USP15: variants seen among roughly 807,000 people sequenced by gnomAD.
USP15 encodes ubiquitin carboxyl-terminal hydrolase 15.
A neutral mutation model predicts 127.1 loss-of-function variants in USP15; 18 were observed. The observed-to-expected ratio is 0.14, with a 90% CI of 0.10 to 0.21. The LOEUF (loss-of-function observed/expected upper bound fraction) is 0.21, where lower values mean the gene tolerates loss of function less well. USP15 is among the 10% of genes least tolerant of loss of function. The probability of loss-of-function intolerance (pLI) is 1.00; values close to 1 mark genes in which losing one functional copy is unlikely to be tolerated. For synonymous variants in USP15, 364 were observed against 393.7 expected (o/e 0.92, Z 0.89); for missense variants, 805 against 1,159.9 (o/e 0.69, Z 4.44).
At chr12:62,369,954 T>A (rs2066607355) in intron 8 of USP15, among the ~76,000 whole-genome samples, 1 of 152,098 alleles carries the variant, frequency 6.6e-6, no homozygotes, top group African/African-American at 2.4e-5. Flanking sequence ...TGTTCCCTTG[T>A]TTACTCTTTG....
At chr12:62,343,450 C>G (rs1565872030) in intron 6 of USP15, among the ~76,000 whole-genome samples, 1 of 152,210 alleles carries the variant, frequency 6.6e-6, no homozygotes, top group Non-Finnish European at 1.5e-5. Context: ...CCAGGCACCA[C>G]TGTAGTTACG....
chr12:62,298,165 A>C (rs2064192378), intron 2 of USP15, among the ~76,000 whole-genome samples: 1 of 152,182 alleles, frequency 6.6e-6, no homozygotes, highest in Non-Finnish European at 1.5e-5. Flanking sequence ...CATCAAATGA[A>C]CCAATTTGTG....
chr12:62,394,804 G>A (rs867353206), intron 19 of USP15, among the ~76,000 whole-genome samples: 45 of 151,182 alleles, frequency 3.0e-4, no homozygotes, highest in African/African-American at 1.0e-3. Context: ...AGCTGAGATC[G>A]CGCCACTGCA....
chr12:62,298,643 G>A (rs1350707575), intron 2 of USP15, among the ~76,000 whole-genome samples: 1 of 151,736 alleles, frequency 6.6e-6, no homozygotes, highest in Non-Finnish European at 1.5e-5. Flanking sequence ...CTAGCCTGGC[G>A]ACAGAGCAAG....
At chr12:62,367,078 G>A (rs1160912302) in intron 8 of USP15, among the ~76,000 whole-genome samples, 1 of 152,270 alleles carries the variant, frequency 6.6e-6, no homozygotes, top group East Asian at 1.9e-4. Context: ...ATGAGTTAGG[G>A]TGGAGTCCCT....
chr12:62,335,413 C>T, intron 6 of USP15: 1 of 1,384,904 alleles, frequency 7.2e-7, no homozygotes, highest in Non-Finnish European at 9.3e-7. Flanking sequence ...AATTGTTGTA[C>T]TTTACCTGTC....
intron 3 of USP15, among the ~76,000 whole-genome samples, chr12:62,309,832 T>C (rs1343393850): frequency 1.3e-5 from 2 of 151,678 alleles, no homozygotes; most frequent in African/African-American, 4.8e-5. Flanking sequence ...AACATCCATG[T>C]ATGATCTTAA....
chr12:62,365,836 CA>C (rs2066459448), intron 8 of USP15, among the ~76,000 whole-genome samples: 1 of 152,138 alleles, frequency 6.6e-6, no homozygotes, highest in Non-Finnish European at 1.5e-5. Context: ...TTGTTTGTGT[CA>C]GGTTTGTCAA....
rs969625061 is a variant in USP15, at chr12:62,414,155, A to T, written c.*9780A>T. Reference sequence around the variant, plus strand: ...CGTAACAGATACAATAATAATGAAGACATTTGAAATGTGAGAAGTACCAAG... The same window carrying T: ...CGTAACAGATACAATAATAATGAAGTCATTTGAAATGTGAGAAGTACCAAG... On this transcript the variant is annotated 3_prime_UTR_variant, in exon 22 of 22. Coordinates refer to ENST00000280377, the MANE Select transcript of USP15 (RefSeq NM_001252078.2). The T allele has an allele frequency of 2.6e-5, 4 of 152,204 alleles. No individual in the cohort carries two copies. The highest frequency in any genetic ancestry group is 6.5e-5 in the Admixed American group (1 of 15,288). 9.4% of individuals were successfully genotyped at this position (152,204 alleles called of 1,614,324 possible).
chr12:62,277,093 TAAAC>T (rs2063514875), intron 1 of USP15, among the ~76,000 whole-genome samples: 1 of 152,178 alleles, frequency 6.6e-6, no homozygotes, highest in Non-Finnish European at 1.5e-5. Flanking sequence ...ACTTCTGTGT[TAAAC>T]AAAAGACGTT....
chr12:62,344,554 C>T (rs1294083668), intron 6 of USP15, among the ~76,000 whole-genome samples: 1 of 152,210 alleles, frequency 6.6e-6, no homozygotes, highest in African/African-American at 2.4e-5. Flanking sequence ...ATTCTGGGGT[C>T]TGGAGGACAG....
chr12:62,271,037 A>G (rs2063335324), intron 1 of USP15, among the ~76,000 whole-genome samples: 1 of 151,922 alleles, frequency 6.6e-6, no homozygotes, highest in African/African-American at 2.4e-5. Context: ...TCCTAATCTC[A>G]TGCCCCAAAA....
At position 62,411,081 on chromosome 12, in the gene USP15, A is replaced by G. The variant is rs951074716; in HGVS notation, c.*6706A>G. 2.6e-5 allele frequency: 4 copies of G among 152,172 alleles called. No homozygotes were observed. Among genetic ancestry groups the G allele is most frequent in the African/African-American group, 9.7e-5 (4 of 41,442 alleles). The allele number at this position is 152,172 out of a possible 1,614,324, so 9.4% of individuals were successfully genotyped here. A position where few individuals can be genotyped will look rare whatever the true frequency, so the allele number is the denominator to read the frequency against. On this transcript the variant is annotated 3_prime_UTR_variant, in exon 22 of 22. Coordinates refer to ENST00000280377, the MANE Select transcript of USP15 (RefSeq NM_001252078.2). The stretch of plus-strand genomic sequence containing the variant: ...ACCCACAAAAACTGTGAGATAACAG[A>G]TGTTTGTGTTTTTAGCTGCTAAGCT...
At chr12:62,266,845 T>A (rs2137034769) in intron 1 of USP15, among the ~76,000 whole-genome samples, 1 of 152,292 alleles carries the variant, frequency 6.6e-6, no homozygotes, top group Admixed American at 6.5e-5. Flanking sequence ...CAGCCACTAT[T>A]TTAAATGCTT....
intron 2 of USP15, among the ~76,000 whole-genome samples, chr12:62,300,681 C>A (rs1036114115): frequency 6.6e-6 from 1 of 152,082 alleles, no homozygotes; most frequent in Non-Finnish European, 1.5e-5. Flanking sequence ...TAAACAAATG[C>A]GCCTTGAGTA....
intron 17 of USP15, 151 bp downstream of exon 17, chr12:62,392,037 CTT>C (rs1263427887): frequency 3.4e-6 from 3 of 883,154 alleles, no homozygotes; most frequent in Non-Finnish European, 5.0e-6. Flanking sequence ...AAAAAAAAGT[CTT>C]TGCAAAAATA....
In USP15 at chr12:62,303,333, A is replaced by C. The variant is rs141182570; in HGVS notation, c.348+413A>C. Reference sequence around the variant, plus strand: ...GAAGCAATGTTTTTTGGAACATAAAAATTTTTTAAACTTGAAAATGTAGAT... The same window carrying C: ...GAAGCAATGTTTTTTGGAACATAAACATTTTTTAAACTTGAAAATGTAGAT... On this transcript the variant is annotated intron_variant, in intron 3 of 21. Transcript: ENST00000280377. 2.2e-3 allele frequency: 330 copies of C among 152,814 alleles called. 2 individuals carry two copies. The highest frequency in any genetic ancestry group is 7.8e-3 in the African/African-American group (326 of 41,596). The allele number at this position is 152,814 out of a possible 1,614,324, so 9.5% of individuals were successfully genotyped here. A position where few individuals can be genotyped will look rare whatever the true frequency, so the allele number is the denominator to read the frequency against.
chr12:62,293,000 GATA>G (rs2064020369), intron 1 of USP15, among the ~76,000 whole-genome samples: 2 of 152,164 alleles, frequency 1.3e-5, no homozygotes, highest in South Asian at 2.1e-4. Flanking sequence ...GATATGCTCT[GATA>G]ATGATGCCTT....
chr12:62,265,314 T>A (rs2063166548), intron 1 of USP15, among the ~76,000 whole-genome samples: 1 of 152,224 alleles, frequency 6.6e-6, no homozygotes, highest in Non-Finnish European at 1.5e-5. Context: ...TGACCTGTAA[T>A]ATTACATTTA....
Sources: allele counts gnomAD v4.1 joint callset (sites outside exome capture counted in the v4.1 genomes callset), GRCh38; gene constraint gnomAD v4.1.1; transcripts MANE v1.5; gene names NCBI Gene and HGNC (gene_info 2026-07-23, HGNC 2026-07-21).